ANO4: variants seen among roughly 807,000 people sequenced by gnomAD.
ANO4 encodes the protein anoctamin-4.
Under a neutral mutation model 141.9 loss-of-function variants are expected in ANO4, and 69 were observed. The observed-to-expected ratio is 0.49, with a 90% CI of 0.40 to 0.59. The LOEUF (loss-of-function observed/expected upper bound fraction) is 0.59. Among genes scored for constraint, ANO4 ranks in the 20% least tolerant of loss-of-function variants. The pLI is 0.00. For synonymous variants in ANO4, 350 were observed against 394.3 expected, an observed-to-expected ratio of 0.89 and a Z score of 1.33; for missense variants, 894 against 1,162.2, an observed-to-expected ratio of 0.77 and a Z score of 3.36.
intron 3 of ANO4, among the ~76,000 whole-genome samples, chr12:100,929,843 CA>C (rs1266314637): frequency 6.6e-6 from 1 of 151,984 alleles, no homozygotes; most frequent in Non-Finnish European, 1.5e-5. Context: ...CTTTATTTTA[CA>C]ATGAAATTAT....
At chr12:101,037,918 T>C (rs1359432149) in intron 10 of ANO4, among the ~76,000 whole-genome samples, 1 of 152,216 alleles carries the variant, frequency 6.6e-6, no homozygotes, top group Non-Finnish European at 1.5e-5. Flanking sequence ...TAGCTGATGT[T>C]CAGTACAGCC....
In ANO4 at chr12:101,086,746, A is replaced by G. The variant is rs745819866; in HGVS notation, c.1623A>G (p.Leu541=). The G allele has an allele frequency of 5.0e-6, 8 of 1,613,706 alleles. No homozygotes were observed. The highest frequency in any genetic ancestry group is 1.3e-5 in the African/African-American group (1 of 74,868). ...VSTFAAFKWA[L]IRNNSQVATT... is the part of the protein sequence containing the mutation. Reference sequence around the variant, plus strand: ...CTTTCGCTGCCTTTAAGTGGGCGTTAATCAGGAATAACTCTCAGGTTGCAA... The same window carrying G: ...CTTTCGCTGCCTTTAAGTGGGCGTTGATCAGGAATAACTCTCAGGTTGCAA... The change falls in exon 17 of 28, where the codon TTA becomes TTG. Residue 541 remains leucine, a synonymous_variant. Transcript: ENST00000392977.
At chr12:100,994,879 A>G (rs997538227) in intron 8 of ANO4, among the ~76,000 whole-genome samples, 9 of 152,132 alleles carry the variant, frequency 5.9e-5, no homozygotes, top group Admixed American at 5.2e-4. Flanking sequence ...GTGAGGGGTA[A>G]TTTGACAACG....
intron 8 of ANO4, among the ~76,000 whole-genome samples, chr12:100,988,485 C>T (rs2044834545): frequency 6.7e-6 from 1 of 148,368 alleles, no homozygotes; most frequent in Non-Finnish European, 1.5e-5. Flanking sequence ...CTTGCTCCAG[C>T]AGTAGTGACA....
chr12:100,902,029 G>T (rs7295144), intron 2 of ANO4, among the ~76,000 whole-genome samples, 189 bp downstream of exon 2: 48,714 of 152,054 alleles, frequency 0.32, 7,965 homozygotes, highest in East Asian at 0.53. Flanking sequence ...AGAGGGGAGA[G>T]AGCTTGGTGG....
At chr12:100,735,755 T>A (rs149155532) in intron 2 of ANO4, among the ~76,000 whole-genome samples, 28 of 152,148 alleles carry the variant, frequency 1.8e-4, no homozygotes, top group East Asian at 1.9e-4. Flanking sequence ...AATGTGGAAG[T>A]CAGGAAGAGG....
intron 3 of ANO4, among the ~76,000 whole-genome samples, chr12:100,762,735 C>T (rs2032922078): frequency 6.6e-6 from 1 of 152,098 alleles, no homozygotes; most frequent in South Asian, 2.1e-4. Flanking sequence ...CTTAGAAAAA[C>T]AAGAAGTTCT....
chr12:100,782,122 G>C (rs2033728592), intron 3 of ANO4, among the ~76,000 whole-genome samples: 1 of 151,982 alleles, frequency 6.6e-6, no homozygotes, highest in African/African-American at 2.4e-5. Context: ...TATCTCCTGG[G>C]GACCTTTCTT....
chr12:100,946,190 G>A (rs1308199786), intron 5 of ANO4, among the ~76,000 whole-genome samples: 2 of 152,174 alleles, frequency 1.3e-5, no homozygotes, highest in African/African-American at 2.4e-5. Context: ...AGAATAGTGA[G>A]AAATTACACC....
At chr12:100,814,879 C>A (rs74951414) in intron 1 of ANO4, among the ~76,000 whole-genome samples, 2,147 of 152,172 alleles carry the variant, frequency 0.014, 25 homozygotes, top group Non-Finnish European at 0.022. Flanking sequence ...TCACCTGAAC[C>A]TGTGGAAGGC....
chr12:100,744,184 T>A (rs1593256069), intron 3 of ANO4, among the ~76,000 whole-genome samples: 1 of 152,252 alleles, frequency 6.6e-6, no homozygotes, highest in Admixed American at 6.5e-5. Flanking sequence ...AAAACTTATA[T>A]ATCCCGAATG....
At chr12:100,898,827 TGA>T (rs931068683) in intron 1 of ANO4, among the ~76,000 whole-genome samples, 1 of 152,230 alleles carries the variant, frequency 6.6e-6, no homozygotes, top group African/African-American at 2.4e-5. Context: ...ATTTGCAGAC[TGA>T]GAGTGCATGT....
intron 2 of ANO4, among the ~76,000 whole-genome samples, chr12:100,738,729 A>G (rs1460978689): frequency 6.6e-6 from 1 of 151,978 alleles, no homozygotes; most frequent in Non-Finnish European, 1.5e-5. Context: ...ATGTCTTGGT[A>G]TACATAGTGA....
chr12:100,837,433 A>G (rs2036988088), intron 1 of ANO4, among the ~76,000 whole-genome samples: 1 of 152,120 alleles, frequency 6.6e-6, no homozygotes, highest in Non-Finnish European at 1.5e-5. Flanking sequence ...CCTATCTGCT[A>G]TCGTATCTTT....
At chr12:100,857,614 G>C (rs1482260427) in intron 1 of ANO4, among the ~76,000 whole-genome samples, 1 of 152,078 alleles carries the variant, frequency 6.6e-6, no homozygotes, top group Non-Finnish European at 1.5e-5. Context: ...GACAAGTGTG[G>C]TGCCACTTTG....
At chr12:100,739,300 C>T (rs2031762735) in intron 2 of ANO4, among the ~76,000 whole-genome samples, 1 of 152,002 alleles carries the variant, frequency 6.6e-6, no homozygotes, top group Admixed American at 6.6e-5. Flanking sequence ...TAGAAAGCCT[C>T]CCTCCCCTGA....
At chr12:100,891,021 C>T (rs1477623006) in intron 1 of ANO4, among the ~76,000 whole-genome samples, 3 of 152,150 alleles carry the variant, frequency 2.0e-5, no homozygotes, top group Non-Finnish European at 2.9e-5. Flanking sequence ...TTCTAGAATG[C>T]CATGTAGTTG....
At chr12:101,070,323 A>G (rs1349593735) in intron 14 of ANO4, among the ~76,000 whole-genome samples, 1 of 152,182 alleles carries the variant, frequency 6.6e-6, no homozygotes, top group African/African-American at 2.4e-5. Flanking sequence ...AAACAGACAT[A>G]TAGACCAATG....
chr12:101,016,726 T>C (rs747281813), intron 8 of ANO4, among the ~76,000 whole-genome samples: 2 of 152,240 alleles, frequency 1.3e-5, no homozygotes, highest in South Asian at 4.1e-4. Flanking sequence ...GCGGACAGCT[T>C]TCATGGAATG....
Sources: allele counts gnomAD v4.1 joint callset (sites outside exome capture counted in the v4.1 genomes callset), GRCh38; gene constraint gnomAD v4.1.1; transcripts MANE v1.5; gene names NCBI Gene and HGNC (gene_info 2026-07-23, HGNC 2026-07-21).